The following ANO3 variants were observed in gnomAD, a reference collection of about 807,000 sequenced individuals.
ANO3 encodes the protein anoctamin 3.
ANO3 carries 99 observed loss-of-function variants against 144.8 expected under a neutral mutation model. The observed-to-expected ratio is 0.68, with a 90% CI of 0.58 to 0.81. The LOEUF (loss-of-function observed/expected upper bound fraction) is 0.81. Ranked by LOEUF, ANO3 falls within the 30% of genes least tolerant of loss-of-function variation. ANO3 has a pLI of 0.00. For synonymous variants in ANO3, 414 were observed against 392.6 expected, an observed-to-expected ratio of 1.05 and a Z score of -0.64; for missense variants, 905 against 1,202.2, an observed-to-expected ratio of 0.75 and a Z score of 3.66.
intron 5 of ANO3, among the ~76,000 whole-genome samples, chr11:26,509,566 G>GC: frequency 6.6e-6 from 1 of 151,986 alleles, no homozygotes; most frequent in Non-Finnish European, 1.5e-5. Flanking sequence ...GCCCACTTCA[G>GC]CCCCCCAAAG....
intron 1 of ANO3, among the ~76,000 whole-genome samples, chr11:26,426,281 T>C (rs1489641587): frequency 1.3e-5 from 2 of 152,172 alleles, no homozygotes; most frequent in Non-Finnish European, 2.9e-5. Context: ...TGTTGACTTT[T>C]TATTTTGTCT....
At chr11:26,594,021 A>C (rs567578557) in intron 14 of ANO3, among the ~76,000 whole-genome samples, 6 of 152,280 alleles carry the variant, frequency 3.9e-5, no homozygotes, top group Admixed American at 3.9e-4. Flanking sequence ...TTATCCTTTA[A>C]GATTACCTGG....
At chr11:26,589,109 C>G (rs1851369089) in intron 14 of ANO3, among the ~76,000 whole-genome samples, 1 of 152,194 alleles carries the variant, frequency 6.6e-6, no homozygotes, top group African/African-American at 2.4e-5. Context: ...ATGTACCAGC[C>G]AGGCATTGTG....
intron 1 of ANO3, among the ~76,000 whole-genome samples, chr11:26,344,951 T>TA (rs1245411973): frequency 4.8e-5 from 4 of 83,554 alleles, no homozygotes; most frequent in African/African-American, 1.2e-4. Context: ...TTATAAAACT[T>TA]ACTTTTACAT....
At position 26,379,534 on chromosome 11, in the gene ANO3, C is replaced by A. The variant is rs150453533; in HGVS notation, c.46+47213C>A. Among the ~76,000 whole-genome samples, 366 of 152,112 alleles carry A rather than the reference C, an allele frequency of 2.4e-3. 1 individual carries two copies. The highest frequency in any genetic ancestry group is 8.1e-3 in the African/African-American group (337 of 41,498). Reference sequence around the variant, plus strand: ...CAGTGGCTCATGCCTGTAATCTCAGCACTTTAGGAGGCTGAGGTGGGTGGA... The same window carrying A: ...CAGTGGCTCATGCCTGTAATCTCAGAACTTTAGGAGGCTGAGGTGGGTGGA... On this transcript the variant is annotated intron_variant, in intron 1 of 26. Coordinates refer to ENST00000256737, the MANE Select transcript of ANO3 (RefSeq NM_031418.4).
chr11:26,213,972 A>C (rs1203250864), intron 1 of ANO3, among the ~76,000 whole-genome samples: 1 of 151,958 alleles, frequency 6.6e-6, no homozygotes, highest in Non-Finnish European at 1.5e-5. Context: ...TATTGATGTG[A>C]TTTCTATTCA....
intron 1 of ANO3, among the ~76,000 whole-genome samples, chr11:26,272,284 G>A (rs894453060): frequency 6.6e-6 from 1 of 152,012 alleles, no homozygotes; most frequent in East Asian, 1.9e-4. Flanking sequence ...TGAATTGCTT[G>A]ATACGTACCA....
In ANO3 at chr11:26,274,252, C is replaced by T. The variant is rs143878674; in HGVS notation, c.155-35393C>T. ...TATACAAATATACAAAAATATTTACCAATATACAAATAATATAAATTTTAA... is the reference window on the plus strand; with the variant it reads ...TATACAAATATACAAAAATATTTACTAATATACAAATAATATAAATTTTAA... On this transcript the variant is annotated intron_variant, in intron 1 of 27. Coordinates refer to the ANO3 transcript ENST00000672621. Among the ~76,000 whole-genome samples, 895 of 151,916 alleles carry T rather than the reference C, an allele frequency of 5.9e-3. 17 individuals are homozygous for T. The highest frequency in any genetic ancestry group is 7.7e-3 in the Non-Finnish European group (521 of 67,922).
chr11:26,372,498 T>C (rs1002807839), intron 1 of ANO3, among the ~76,000 whole-genome samples: 1 of 152,252 alleles, frequency 6.6e-6, no homozygotes, highest in African/African-American at 2.4e-5. Flanking sequence ...TAGAAGAGGA[T>C]ACTCTTTTGT....
intron 17 of ANO3, among the ~76,000 whole-genome samples, chr11:26,600,466 TCCTCC>T (rs138903168): frequency 0.052 from 1,641 of 31,454 alleles, 125 homozygotes; most frequent in African/African-American, 0.084. Flanking sequence ...TCTCCTTTCC[TCCTCC>T]CCTCCCCTCC....
chr11:26,505,992 CAAAAAAAAAAAAAAAA>C (rs56193607), intron 4 of ANO3, among the ~76,000 whole-genome samples: 3 of 78,450 alleles, frequency 3.8e-5, no homozygotes, highest in African/African-American at 1.6e-4. Flanking sequence ...GACTCTGTCT[CAAAAAAAAAAAAAAAA>C]AAAAAAAAAG....
intron 17 of ANO3, among the ~76,000 whole-genome samples, chr11:26,621,726 T>G (rs2132999987): frequency 6.6e-6 from 1 of 152,272 alleles, no homozygotes; most frequent in South Asian, 2.1e-4. Flanking sequence ...GTATGTTTGG[T>G]TTCTAAAACA....
chr11:26,211,616 G>A (rs577423065), intron 1 of ANO3, among the ~76,000 whole-genome samples: 7 of 152,150 alleles, frequency 4.6e-5, no homozygotes, highest in Admixed American at 1.3e-4. Context: ...GTTGGTGGGC[G>A]TGTAAATTAG....
intron 1 of ANO3, among the ~76,000 whole-genome samples, chr11:26,379,385 G>T (rs1020079210): frequency 3.9e-5 from 6 of 152,154 alleles, no homozygotes; most frequent in Non-Finnish European, 8.8e-5. Context: ...CTCTGTGAAG[G>T]ATAGAGTGTA....
intron 1 of ANO3, among the ~76,000 whole-genome samples, chr11:26,282,117 C>T (rs1437704814): frequency 6.6e-6 from 1 of 152,122 alleles, no homozygotes; most frequent in Non-Finnish European, 1.5e-5. Flanking sequence ...TTTACTTATA[C>T]CATTAGCCTG....
intron 5 of ANO3, among the ~76,000 whole-genome samples, chr11:26,509,099 C>T (rs539811411): frequency 3.7e-5 from 4 of 107,314 alleles, no homozygotes; most frequent in African/African-American, 1.3e-4. Flanking sequence ...ATCTATCTCT[C>T]TCTCTCTATA....
intron 1 of ANO3, among the ~76,000 whole-genome samples, chr11:26,204,109 G>A (rs1351263097): frequency 6.6e-6 from 1 of 151,900 alleles, no homozygotes; most frequent in African/African-American, 2.4e-5. Context: ...GTGTTTTCTG[G>A]AGACTTTCCC....
chr11:26,521,074 C>T (rs966992782), intron 6 of ANO3, among the ~76,000 whole-genome samples: 1 of 151,844 alleles, frequency 6.6e-6, no homozygotes, highest in African/African-American at 2.4e-5. Context: ...CATTTATTTA[C>T]AATGTACACT....
At chr11:26,218,504 G>A (rs11603129) in intron 1 of ANO3, among the ~76,000 whole-genome samples, 47,638 of 151,706 alleles carry the variant, frequency 0.31, 8,307 homozygotes, top group Non-Finnish European at 0.39. Context: ...TCTTCCCTAC[G>A]TCTTATTTGT....
Sources: allele counts gnomAD v4.1 joint callset (sites outside exome capture counted in the v4.1 genomes callset), GRCh38; gene constraint gnomAD v4.1.1; transcripts MANE v1.5; gene names NCBI Gene and HGNC (gene_info 2026-07-23, HGNC 2026-07-21).